Variants in PLCXD3 observed in about 807,000 individuals in gnomAD.
The protein encoded by PLCXD3 is PI-PLC X domain-containing protein 3.
Under a neutral mutation model 25.5 loss-of-function variants are expected in PLCXD3, and 19 were observed. The ratio of observed to expected loss-of-function variants is 0.75; its 90% CI spans 0.52 to 1.09. The LOEUF is 1.09. Ranked by LOEUF, PLCXD3 falls within the 50% of genes least tolerant of loss-of-function variation. The pLI is 0.00. For synonymous variants in PLCXD3, 174 were observed against 137.6 expected, an observed-to-expected ratio of 1.26 and a Z score of -1.85; for missense variants, 411 against 388.1, an observed-to-expected ratio of 1.06 and a Z score of -0.50.
At chr5:41,342,738 C>T (rs1391225998) in intron 2 of PLCXD3, among the ~76,000 whole-genome samples, 2 of 152,018 alleles carry the variant, frequency 1.3e-5, no homozygotes, top group Non-Finnish European at 2.9e-5. Context: ...TCTCCAAATG[C>T]AGCATAAAAT....
At position 41,498,727 on chromosome 5, in the gene PLCXD3, C is replaced by G. The variant is rs997236380; in HGVS notation, c.103+11697G>C. Among the ~76,000 whole-genome samples the G allele has an allele frequency of 2.6e-5, 4 of 151,782 alleles. No individual in the cohort carries two copies. The East Asian group carries it at 7.7e-4, about 29-fold the overall frequency. On this transcript the variant is annotated intron_variant, in intron 1 of 2. Coordinates refer to ENST00000377801, the MANE Select transcript of PLCXD3 (RefSeq NM_001005473.3). ...GAGAGAACACTATAGACCAATATCC[C>G]TAATAAACATAAATGAATAAATCCT... is the stretch of plus-strand genomic sequence containing the variant.
intron 1 of PLCXD3, among the ~76,000 whole-genome samples, chr5:41,426,396 T>C (rs540936767): frequency 3.5e-4 from 53 of 152,212 alleles, no homozygotes; most frequent in African/African-American, 1.2e-3. Flanking sequence ...GCCATATGTT[T>C]TTCTTTCTTA....
intron 2 of PLCXD3, among the ~76,000 whole-genome samples, chr5:41,375,464 G>T (rs1580334140): frequency 6.6e-6 from 1 of 152,052 alleles, no homozygotes; most frequent in East Asian, 1.9e-4. Context: ...CTTCCAGTCA[G>T]CTCTATGTCC....
At chr5:41,330,472 A>C (rs1359923676) in intron 2 of PLCXD3, among the ~76,000 whole-genome samples, 1 of 152,204 alleles carries the variant, frequency 6.6e-6, no homozygotes, top group Non-Finnish European at 1.5e-5. Flanking sequence ...CCAACCAAAA[A>C]GAGTCCAGGA....
intron 1 of PLCXD3, among the ~76,000 whole-genome samples, chr5:41,417,065 C>T (rs1024127638): frequency 6.6e-6 from 1 of 152,126 alleles, no homozygotes; most frequent in Admixed American, 6.5e-5. Context: ...AAATCTGTGG[C>T]CAACACTAAC....
intron 1 of PLCXD3, among the ~76,000 whole-genome samples, chr5:41,492,105 C>G (rs1373837554): frequency 6.6e-6 from 1 of 152,160 alleles, no homozygotes; most frequent in African/African-American, 2.4e-5. Flanking sequence ...GTGCTTCCTT[C>G]AGGAGCTCTT....
intron 1 of PLCXD3, among the ~76,000 whole-genome samples, chr5:41,472,413 T>C (rs1748185778): frequency 6.6e-6 from 1 of 152,170 alleles, no homozygotes; most frequent in African/African-American, 2.4e-5. Context: ...CTCATGACTT[T>C]AGATTTCCTG....
At position 41,311,409 on chromosome 5, in the gene PLCXD3, C is replaced by T. The variant is rs146300273; in HGVS notation, c.*2208G>A. On this transcript the variant is annotated 3_prime_UTR_variant, in exon 3 of 3. Coordinates refer to ENST00000377801, the MANE Select transcript of PLCXD3 (RefSeq NM_001005473.3). ...AAAAATACTTTGATGTGATCATCTA[C>T]TCTACTTTCAAAGGTTTTATTACTC... 2.6e-5 allele frequency: 4 copies of T among 152,232 alleles called. No homozygotes were observed. The East Asian group carries it at 7.7e-4, about 29-fold the overall frequency. The allele number at this position is 152,232 out of a possible 1,614,324, so 9.4% of individuals were successfully genotyped here.
chr5:41,325,159 A>C (rs1743590271), intron 2 of PLCXD3, among the ~76,000 whole-genome samples: 1 of 152,210 alleles, frequency 6.6e-6, no homozygotes, highest in Admixed American at 6.5e-5. Flanking sequence ...TTGATGAAAC[A>C]TTGTTTCAAA....
intron 2 of PLCXD3, among the ~76,000 whole-genome samples, chr5:41,356,820 G>A (rs1371652860): frequency 6.6e-6 from 1 of 152,136 alleles, no homozygotes; most frequent in Non-Finnish European, 1.5e-5. Context: ...GTCTCACTGG[G>A]TCATCCCTCC....
intron 1 of PLCXD3, among the ~76,000 whole-genome samples, chr5:41,392,488 T>C (rs1319919538): frequency 6.6e-6 from 1 of 152,158 alleles, no homozygotes; most frequent in Non-Finnish European, 1.5e-5. Flanking sequence ...TCTGCAGGAA[T>C]CACAGTGTTA....
At chr5:41,353,364 G>A (rs912402350) in intron 2 of PLCXD3, among the ~76,000 whole-genome samples, 1 of 151,642 alleles carries the variant, frequency 6.6e-6, no homozygotes, top group African/African-American at 2.4e-5. Context: ...GCCTCCCAAC[G>A]TGCTGGGATT....
intron 2 of PLCXD3, among the ~76,000 whole-genome samples, chr5:41,369,920 T>C (rs1745043598): frequency 6.6e-6 from 1 of 152,224 alleles, no homozygotes; most frequent in South Asian, 2.1e-4. Context: ...GTCTGTTTTA[T>C]ATTGGCCACA....
chr5:41,431,979 G>C (rs73079717), intron 1 of PLCXD3, among the ~76,000 whole-genome samples: 1,627 of 152,242 alleles, frequency 0.011, 31 homozygotes, highest in African/African-American at 0.037. Flanking sequence ...TGAGCAAGAG[G>C]ACCACGCAGG....
chr5:41,352,450 G>A (rs1357905352), intron 2 of PLCXD3, among the ~76,000 whole-genome samples: 1 of 152,172 alleles, frequency 6.6e-6, no homozygotes, highest in East Asian at 1.9e-4. Context: ...GGCAGGGACA[G>A]TATCTTATTT....
At chr5:41,329,058 G>A (rs138450340) in intron 2 of PLCXD3, among the ~76,000 whole-genome samples, 1 of 152,224 alleles carries the variant, frequency 6.6e-6, no homozygotes, top group East Asian at 1.9e-4. Flanking sequence ...TGCTAGCCCC[G>A]TTATCAGTCT....
intron 1 of PLCXD3, among the ~76,000 whole-genome samples, chr5:41,424,463 C>G (rs1369345374): frequency 1.3e-5 from 2 of 152,082 alleles, no homozygotes; most frequent in Non-Finnish European, 2.9e-5. Flanking sequence ...TTGCTTGAAC[C>G]TGGGAGGCGG....
rs70988846 is a variant in PLCXD3 at position 41,440,215 on chromosome 5, A to ATTTTTTTTTTTTTT, written c.104-57695_104-57682dup. Among the ~76,000 whole-genome samples the ATTTTTTTTTTTTTT allele has an allele frequency of 6.8e-4, 28 of 41,080 alleles. 1 individual carries two copies. Among genetic ancestry groups the ATTTTTTTTTTTTTT allele is most frequent in the African/African-American group, 2.2e-3 (21 of 9,610 alleles). 27.0% of individuals were successfully genotyped at this position (41,080 alleles called of 152,430 possible). On this transcript the variant is annotated intron_variant, in intron 1 of 2. Coordinates refer to ENST00000377801, the MANE Select transcript of PLCXD3 (RefSeq NM_001005473.3). ...TCTGAGCAAATTACATAATCTCTCA[A>ATTTTTTTTTTTTTT]TTTTTTTTTTTTTTTTTTTTTTTTT...
intron 1 of PLCXD3, among the ~76,000 whole-genome samples, chr5:41,435,740 T>A (rs1198769755): frequency 6.6e-6 from 1 of 152,214 alleles, no homozygotes; most frequent in Non-Finnish European, 1.5e-5. Flanking sequence ...TGTTGCAAAG[T>A]AAGTTTTGAA....
Sources: gnomAD v4.1 joint callset for allele counts (sites outside exome capture counted in the v4.1 genomes callset) on GRCh38, gnomAD v4.1.1 for gene constraint, MANE v1.5 for transcripts, NCBI Gene and HGNC (gene_info 2026-07-23, HGNC 2026-07-21) for gene names.